Variants in OR10H1 observed in about 807,000 individuals in gnomAD.
OR10H1 encodes olfactory receptor 10H1.
OR10H1 carries 12 observed loss-of-function variants against 13.1 expected under a neutral mutation model. The ratio of observed to expected loss-of-function variants is 0.92; its 90% CI spans 0.59 to 1.48. The LOEUF (loss-of-function observed/expected upper bound fraction) is 1.48. OR10H1 is among the 40% of genes most tolerant of loss of function. The probability of loss-of-function intolerance (pLI) is 0.00; values close to 1 mark genes in which losing one functional copy is unlikely to be tolerated. For missense variants in OR10H1, 363 were observed against 413.1 expected (o/e 0.88, Z 1.05); for synonymous variants, 168 against 175.6 (o/e 0.96, Z 0.34).
rs914932433 is a variant in OR10H1 at position 15,812,465 on chromosome 19, G to A, written c.-364C>T. 4 of 149,368 alleles carry A rather than the reference G, an allele frequency of 2.7e-5. No individual in the cohort carries two copies. Among genetic ancestry groups the A allele is most frequent in the African/African-American group, 9.9e-5 (4 of 40,522 alleles). The allele number at this position is 149,368 out of a possible 1,614,324, so 9.3% of individuals were successfully genotyped here. A position where few individuals can be genotyped will look rare whatever the true frequency, so the allele number is the denominator to read the frequency against. ...GGAAGGAAAGAAGGATAAAAGGAAG[G>A]AAGGATGGGGACTGCAGGAGGAAGG... is the stretch of plus-strand genomic sequence containing the variant. On this transcript the variant is annotated 5_prime_UTR_variant, in exon 2 of 4. Coordinates refer to ENST00000641419, the MANE Select transcript of OR10H1 (RefSeq NM_013940.4).
At position 15,805,164 on chromosome 19, in the gene OR10H1, C is replaced by T. The variant is rs1055138754; in HGVS notation, c.*1917G>A. ...TAGATTGCAAAAATTTTCTCCCATTCTGTAGGTTGCCTGTTCACTCTGATG... is the reference window on the plus strand; with the variant it reads ...TAGATTGCAAAAATTTTCTCCCATTTTGTAGGTTGCCTGTTCACTCTGATG... On this transcript the variant is annotated 3_prime_UTR_variant, in exon 4 of 4. Coordinates refer to ENST00000641419, the MANE Select transcript of OR10H1 (RefSeq NM_013940.4). The T allele has an allele frequency of 1.3e-5, 2 of 151,852 alleles. No individual in the cohort carries two copies. Among genetic ancestry groups the T allele is most frequent in the African/African-American group, 4.8e-5 (2 of 41,340 alleles). The allele number at this position is 151,852 out of a possible 1,614,324, so 9.4% of individuals were successfully genotyped here.
chr19:15,810,833 A>T (rs1464679741), intron 2 of OR10H1, among the ~76,000 whole-genome samples: 1 of 152,046 alleles, frequency 6.6e-6, no homozygotes, highest in Non-Finnish European at 1.5e-5. Context: ...ATCCAGTAAT[A>T]AAAGGCAAAT....
intron 2 of OR10H1, among the ~76,000 whole-genome samples, chr19:15,809,048 A>G (rs2088919204): frequency 6.6e-6 from 1 of 152,058 alleles, no homozygotes; most frequent in Non-Finnish European, 1.5e-5. Context: ...TGAACCAACC[A>G]GACTTCCTCT....
At chr19:15,811,562 C>T (rs2088932636) in intron 2 of OR10H1, among the ~76,000 whole-genome samples, 1 of 152,136 alleles carries the variant, frequency 6.6e-6, no homozygotes, top group Admixed American at 6.5e-5. Context: ...TTGAGAACCG[C>T]TGATCCAGAG....
At chr19:15,813,027 A>G (rs999013900) in intron 1 of OR10H1, 149 bp from the exon 2 acceptor site, 2 of 152,256 alleles carry the variant, frequency 1.3e-5, no homozygotes, top group African/African-American at 4.8e-5. Context: ...GATACAGGAC[A>G]TTGTGCATTT....
At position 15,807,919 on chromosome 19, in the gene OR10H1, A is replaced by T. The variant is rs750952119; in HGVS notation, c.119T>A (p.Leu40Gln). 8.7e-6 allele frequency: 14 copies of T among 1,614,000 alleles called. No individual in the cohort carries two copies. Among genetic ancestry groups the T allele is most frequent in the Middle Eastern group, 1.6e-4 (1 of 6,084 alleles). ...GGTGGCCATGATGAGCAGGTTGCCC[A>T]GCAGCGTGAACAGGTACATCAGCAG... is the stretch of plus-strand genomic sequence containing the variant. ...LFLLMYLFTLLGNLLIMATVW... is the reference protein window; with the variant it reads ...LFLLMYLFTLQGNLLIMATVW... The change falls in exon 4 of 4, where the codon CTG (leucine) becomes CAG (glutamine). Residue 40 changes from leucine to glutamine, a missense_variant. Leu to Gln is a moderately radical substitution (Grantham distance 113, BLOSUM62 -2). Transcript: ENST00000641419.
intron 1 of OR10H1, among the ~76,000 whole-genome samples, chr19:15,813,241 T>C (rs991950034): frequency 1.3e-5 from 2 of 152,120 alleles, no homozygotes; most frequent in Non-Finnish European, 2.9e-5. Context: ...ATCTATCTGC[T>C]CTATGTTCTG....
rs2088893155 is a variant in OR10H1, at chr19:15,805,847, G to T, written c.*1234C>A. On this transcript the variant is annotated 3_prime_UTR_variant, in exon 4 of 4. Transcript: ENST00000641419. ...GTGTCAACTTCTAACACAGCATTCG[G>T]TATCTCACAGTGTGACTTTTTTCCT... 1 of 125,346 alleles carries T rather than the reference G, an allele frequency of 8.0e-6. No homozygotes were observed. The allele number at this position is 125,346 out of a possible 1,614,324, so 7.8% of individuals were successfully genotyped here. A position where few individuals can be genotyped will look rare whatever the true frequency, so the allele number is the denominator to read the frequency against.
At chr19:15,808,450 G>T (rs1445274151) in intron 3 of OR10H1, among the ~76,000 whole-genome samples, 1 of 152,170 alleles carries the variant, frequency 6.6e-6, no homozygotes, top group Non-Finnish European at 1.5e-5. Flanking sequence ...CACTTTGGAG[G>T]CTAAGGGGGA....
chr19:15,813,587 A>T (rs2088946978), intron 1 of OR10H1, among the ~76,000 whole-genome samples: 1 of 147,178 alleles, frequency 6.8e-6, no homozygotes, highest in African/African-American at 2.5e-5. Context: ...AGAGGTGGAG[A>T]CACAGAGAGA....
At position 15,808,545 on chromosome 19, in the gene OR10H1, C is replaced by G. The variant is rs886742177; in HGVS notation, c.-12+180G>C. Among the ~76,000 whole-genome samples, 5 of 152,136 alleles carry G rather than the reference C, an allele frequency of 3.3e-5. 1 individual carries two copies. The highest frequency in any genetic ancestry group is 1.2e-4 in the African/African-American group (5 of 41,422). On this transcript the variant is annotated intron_variant, in intron 3 of 3. Transcript: ENST00000641419. ...CCAGCCTGGGTGACAGAGCTAGACT[C>G]TATCTCTTAAAGAAAGAAGAAAATG...
chr19:15,805,496 G>T lies in OR10H1; in HGVS notation c.*1585C>A, dbSNP rs2144938266. ...GGAGTCTCAGTCTGTCACCCAGGCTGGAGTGCAGTGGTGTGATCTCAGCTC... is the reference window on the plus strand; with the variant it reads ...GGAGTCTCAGTCTGTCACCCAGGCTTGAGTGCAGTGGTGTGATCTCAGCTC... On this transcript the variant is annotated 3_prime_UTR_variant, in exon 4 of 4. Coordinates refer to ENST00000641419, the MANE Select transcript of OR10H1 (RefSeq NM_013940.4). The T allele has an allele frequency of 7.1e-6, 1 of 139,910 alleles. No homozygotes were observed. Among genetic ancestry groups the T allele is most frequent in the South Asian group, 2.3e-4 (1 of 4,438 alleles). The allele number at this position is 139,910 out of a possible 1,614,324, so 8.7% of individuals were successfully genotyped here. A position where few individuals can be genotyped will look rare whatever the true frequency, so the allele number is the denominator to read the frequency against.
Position 15,805,024 on chromosome 19 carries a change from T to C in OR10H1, c.*2057A>G, listed in dbSNP as rs892542191. ...TTTTGGCTGCATAAATGTCTTCTTT[T>C]GAGAAGTGTCTGTTCATATCCTTTG... On this transcript the variant is annotated 3_prime_UTR_variant, in exon 4 of 4. Coordinates refer to ENST00000641419, the MANE Select transcript of OR10H1 (RefSeq NM_013940.4). The C allele has an allele frequency of 2.0e-5, 3 of 152,214 alleles. No individual in the cohort carries two copies. Among genetic ancestry groups the C allele is most frequent in the African/African-American group, 2.4e-5 (1 of 41,462 alleles). 9.4% of individuals were successfully genotyped at this position (152,214 alleles called of 1,614,324 possible).
At chr19:15,813,958 C>T (rs2088949351) in intron 1 of OR10H1, among the ~76,000 whole-genome samples, 1 of 151,944 alleles carries the variant, frequency 6.6e-6, no homozygotes, top group Admixed American at 6.6e-5. Flanking sequence ...CACTGTCTAG[C>T]ACTGACAGGA....
intron 2 of OR10H1, among the ~76,000 whole-genome samples, chr19:15,811,755 A>G (rs1163526507): frequency 2.6e-5 from 4 of 152,120 alleles, no homozygotes; most frequent in African/African-American, 9.7e-5. Flanking sequence ...TTTCAAAATA[A>G]TGATTCCCAG....
rs749150330 is a variant in OR10H1, at chr19:15,807,283, T to C, written c.755A>G (p.His252Arg). 20 of 1,614,116 alleles carry C rather than the reference T, an allele frequency of 1.2e-5. No homozygotes were observed. The South Asian group carries it at 2.2e-4, about 18-fold the overall frequency. ...CASHLTVVVVHYGFASVIYLK... is the reference protein window; with the variant it reads ...CASHLTVVVVRYGFASVIYLK... The stretch of plus-strand genomic sequence containing the variant: ...GTAAATGACGGAGGCAAAGCCATAG[T>C]GCACGACCACCACAGTGAGGTGAGA... Residue 252 changes from histidine to arginine, a missense_variant, in exon 4 of 4, where the codon CAC becomes CGC. This residue lies in a region of OR10H1 where 318 missense variants were observed against 366.6 expected (regional missense o/e 0.87). Coordinates refer to ENST00000641419, the MANE Select transcript of OR10H1 (RefSeq NM_013940.4).
In OR10H1 at chr19:15,807,232, A is replaced by G. The variant is rs766741456; in HGVS notation, c.806T>C (p.Leu269Pro). The change falls in exon 4 of 4, where the codon CTG (leucine) becomes CCG (proline). Residue 269 changes from leucine to proline, a missense_variant. Leu to Pro is a moderately conservative substitution (Grantham distance 98). Transcript: ENST00000641419. The part of the protein sequence containing the change: ...IYLKPKSPQS[L>P]EGDTLMGITY... ...GATGCCCATCAAGGTGTCTCCTTCC[A>G]GAGACTGGGGACTTTTGGGCTTCAG... The G allele has an allele frequency of 1.3e-4, 207 of 1,614,054 alleles. No individual in the cohort carries two copies. In the African/African-American group the frequency reaches 1.7e-3, roughly 14 times the overall value.
rs1274723639 is a variant in OR10H1 at position 15,807,141 on chromosome 19, CT to C, written c.896del (p.Lys299ArgfsTer4). On this transcript the variant is annotated frameshift_variant, in exon 4 of 4. Transcript: ENST00000641419. LOFTEE classifies it high-confidence loss of function. ...IIFSLRNKEL[K>X]VAMKKTFFSK... ...TGAAGAAGGTCTTCTTCATGGCGACCTTCAGCTCCTTGTTCCTGAGGCTGAA... is the reference window on the plus strand; with the variant it reads ...TGAAGAAGGTCTTCTTCATGGCGACCTCAGCTCCTTGTTCCTGAGGCTGAA... The C allele has an allele frequency of 6.2e-7, 1 of 1,614,018 alleles. No individual in the cohort carries two copies. The highest frequency in any genetic ancestry group is 2.2e-5 in the East Asian group (1 of 44,888).
intron 2 of OR10H1, 148 bp downstream of exon 2, chr19:15,812,082 C>G (rs2144944279): frequency 6.6e-6 from 1 of 152,408 alleles, no homozygotes; most frequent in East Asian, 1.9e-4. Flanking sequence ...GTCATCTGCT[C>G]TGATCCCTAT....
Sources: allele counts gnomAD v4.1 joint callset (sites outside exome capture counted in the v4.1 genomes callset), GRCh38; gene constraint gnomAD v4.1.1; regional missense constraint gnomAD v4.1.1; transcripts MANE v1.5; gene names NCBI Gene and HGNC (gene_info 2026-07-23, HGNC 2026-07-21).